DNAH3: variants seen among roughly 807,000 people sequenced by gnomAD.
The protein encoded by DNAH3 is axonemal beta dynein heavy chain 3.
In DNAH3, 332 loss-of-function variants were observed where a neutral mutation model predicts 432.5. The ratio of observed to expected loss-of-function variants is 0.77; its 90% CI spans 0.70 to 0.84. The LOEUF is 0.84. DNAH3 is among the 40% of genes least tolerant of loss of function. The pLI is 0.00. For synonymous variants in DNAH3, 1,956 were observed against 1,900.2 expected (o/e 1.03, Z -0.76); for missense variants, 4,861 against 5,114.0 (o/e 0.95, Z 1.51).
At chr16:21,152,910 C>G (rs1216784396) in intron 1 of DNAH3, among the ~76,000 whole-genome samples, 1 of 152,230 alleles carries the variant, frequency 6.6e-6, no homozygotes, top group Non-Finnish European at 1.5e-5. Flanking sequence ...GCTGCCCGAG[C>G]CTCCCCGACG....
At chr16:20,963,328 G>A (rs147867151) in exon 53 of DNAH3, 74 of 1,614,052 alleles carry the variant, frequency 4.6e-5, no homozygotes, top group African/African-American at 1.7e-4. Flanking sequence ...AATCAAAGGC[G>A]CACAGCAGCT....
chr16:21,125,197 ACGAG>A lies in DNAH3; in HGVS notation c.1378_1381del (p.Leu460PhefsTer5). On this transcript the variant is annotated frameshift_variant, in exon 9 of 62. Coordinates refer to ENST00000261383, the Ensembl canonical transcript of DNAH3. LOFTEE classifies it high-confidence loss of function. ...TACTTTGTGTATCATGAAAAGGGAA[ACGAG>A]GTCCTCAAGTGACTTAATGACCAGC... 6.2e-7 allele frequency: 1 copy of A among 1,608,002 alleles called. No homozygotes were observed. The highest frequency in any genetic ancestry group is 8.5e-7 in the Non-Finnish European group (1 of 1,176,392).
At chr16:21,014,772 T>C (rs971315064) in intron 41 of DNAH3, among the ~76,000 whole-genome samples, 18 of 152,140 alleles carry the variant, frequency 1.2e-4, no homozygotes, top group Non-Finnish European at 2.5e-4. Flanking sequence ...CAAAAGTCAA[T>C]TGCTTTTCTA....
At chr16:21,034,543 G>A (rs1366340392) in intron 35 of DNAH3, among the ~76,000 whole-genome samples, 2 of 152,178 alleles carry the variant, frequency 1.3e-5, no homozygotes, top group African/African-American at 4.8e-5. Flanking sequence ...AAAGAAAATG[G>A]CGGTCATTTT....
intron 61 of DNAH3, among the ~76,000 whole-genome samples, chr16:20,934,279 A>T (rs937226934): frequency 2.0e-5 from 3 of 152,226 alleles, no homozygotes; most frequent in Non-Finnish European, 2.9e-5. Flanking sequence ...TTATAAATTT[A>T]ACCAATATCC....
intron 5 of DNAH3, 129 bp from the exon 7 acceptor site, chr16:21,136,642 T>C (rs1267776310): frequency 1.2e-6 from 1 of 845,720 alleles, no homozygotes. Context: ...GCCATAACCA[T>C]GCATTCTGGG....
At chr16:21,034,488 C>T (rs897189413) in intron 35 of DNAH3, among the ~76,000 whole-genome samples, 1 of 152,168 alleles carries the variant, frequency 6.6e-6, no homozygotes, top group African/African-American at 2.4e-5. Flanking sequence ...ACTTTAACGC[C>T]TCTAATATTT....
chr16:21,090,192 T>C (rs1285909001), intron 18 of DNAH3, among the ~76,000 whole-genome samples: 1 of 151,632 alleles, frequency 6.6e-6, no homozygotes, highest in African/African-American at 2.4e-5. Context: ...ATAAAAAATT[T>C]CCAAAATATA....
At chr16:21,022,332 C>G (rs2088281597) in intron 39 of DNAH3, among the ~76,000 whole-genome samples, 1 of 152,220 alleles carries the variant, frequency 6.6e-6, no homozygotes, top group Non-Finnish European at 1.5e-5. Flanking sequence ...CCGCATTCCA[C>G]TGCCCAGAGC....
intron 59 of DNAH3, among the ~76,000 whole-genome samples, chr16:20,937,109 T>C (rs1230229692): frequency 1.3e-5 from 2 of 152,246 alleles, no homozygotes; most frequent in African/African-American, 4.8e-5. Context: ...TTTTCTTTCT[T>C]AGCATATAGG....
intron 23 of DNAH3, among the ~76,000 whole-genome samples, chr16:21,068,784 CTG>C (rs1171652516): frequency 6.6e-6 from 1 of 152,164 alleles, no homozygotes; most frequent in Admixed American, 6.5e-5. Flanking sequence ...CACTATAAAA[CTG>C]TTATTGCATT....
intron 20 of DNAH3, among the ~76,000 whole-genome samples, chr16:21,079,053 T>G (rs1232494962): frequency 6.6e-6 from 1 of 152,206 alleles, no homozygotes. Context: ...GTTGAACATG[T>G]GTGCATGGAA....
chr16:21,072,608 T>A (rs1482994731), intron 21 of DNAH3, among the ~76,000 whole-genome samples: 2 of 151,926 alleles, frequency 1.3e-5, no homozygotes, highest in Admixed American at 1.3e-4. Context: ...ATTACAAGCA[T>A]GACAGGCACG....
chr16:20,959,369 C>T, exon 54 of DNAH3: 2 of 1,614,030 alleles, frequency 1.2e-6, no homozygotes, highest in Non-Finnish European at 1.7e-6. Context: ...GTTCTGGTAC[C>T]TCCCATACCA....
chr16:21,059,429 G>A (rs2090262022), intron 26 of DNAH3, among the ~76,000 whole-genome samples: 1 of 152,322 alleles, frequency 6.6e-6, no homozygotes, highest in East Asian at 1.9e-4. Context: ...TAGTGTGAGG[G>A]TGTTGAGTAT....
At chr16:20,979,903 C>T (rs1285466523) in intron 49 of DNAH3, among the ~76,000 whole-genome samples, 2 of 152,126 alleles carry the variant, frequency 1.3e-5, no homozygotes, top group Non-Finnish European at 2.9e-5. Flanking sequence ...GCATGTGCCA[C>T]CACGCCCAGC....
chr16:20,933,386 T>C (rs767684906), exon 62 of DNAH3: 7 of 1,614,094 alleles, frequency 4.3e-6, no homozygotes, highest in South Asian at 3.3e-5. Context: ...ATAGAGGATT[T>C]TGGGGAGAGA....
intron 52 of DNAH3, among the ~76,000 whole-genome samples, chr16:20,968,417 A>T (rs1291597910): frequency 3.9e-5 from 6 of 152,198 alleles, no homozygotes. Flanking sequence ...AGGAATAGCC[A>T]GACTGTTCCC....
rs1479262479 is a variant in DNAH3 at position 21,036,909 on chromosome 16, A to T, written c.4951-61T>A. ...AAAGTATCAGATATATGACCTCAAC[A>T]TTTTCCTAAAATGAGATGTATCAAC... On this transcript the variant is annotated intron_variant, in intron 34 of 61. Coordinates refer to ENST00000261383, the Ensembl canonical transcript of DNAH3. 4.3e-6 allele frequency: 6 copies of T among 1,390,448 alleles called. No homozygotes were observed. In the East Asian group the frequency reaches 1.4e-4, roughly 32 times the overall value. 86.1% of individuals were successfully genotyped at this position (1,390,448 alleles called of 1,614,324 possible).
Sources: gnomAD v4.1 joint callset for allele counts (sites outside exome capture counted in the v4.1 genomes callset) on GRCh38, gnomAD v4.1.1 for gene constraint, MANE v1.5 for transcripts, NCBI Gene and HGNC (gene_info 2026-07-23, HGNC 2026-07-21) for gene names.